The following TNRC18 variants were observed in gnomAD, a reference collection of about 807,000 sequenced individuals.
The protein encoded by TNRC18 is trinucleotide repeat-containing gene 18 protein.
A neutral mutation model predicts 226.7 loss-of-function variants in TNRC18; 69 were observed. That is an observed-to-expected ratio of 0.30 (90% confidence interval 0.25 to 0.37). The LOEUF (loss-of-function observed/expected upper bound fraction) is 0.37. TNRC18 is among the 10% of genes least tolerant of loss of function. TNRC18 has a pLI of 1.00. For missense variants in TNRC18, 4,754 were observed against 4,256.6 expected (o/e 1.12, Z -3.25); for synonymous variants, 2,449 against 1,927.6 (o/e 1.27, Z -7.09).
chr7:5,345,517 G>GCTCCCCCCCCCCCC, intron 18 of TNRC18, 45 bp downstream of exon 18: 4 of 377,744 alleles, frequency 1.1e-5, no homozygotes, highest in South Asian at 8.8e-5. Flanking sequence ...AATGGCGTCC[G>GCTCCCCCCCCCCCC]CCCCTCCCAC....
At chr7:5,347,105 G>A (rs1377787289) in intron 17 of TNRC18, among the ~76,000 whole-genome samples, 2 of 152,160 alleles carry the variant, frequency 1.3e-5, no homozygotes, top group Admixed American at 6.5e-5. Flanking sequence ...CCCTCTGAGA[G>A]GCTGAGGCGG....
chr7:5,358,039 G>A (rs1046188653), intron 15 of TNRC18, among the ~76,000 whole-genome samples: 2 of 152,150 alleles, frequency 1.3e-5, no homozygotes, highest in African/African-American at 4.8e-5. Context: ...ATTAAGGGAG[G>A]AGGAAAGGAA....
At chr7:5,386,856 C>T (rs905707206) in intron 5 of TNRC18, among the ~76,000 whole-genome samples, 19 of 151,982 alleles carry the variant, frequency 1.3e-4, no homozygotes, top group African/African-American at 4.6e-4. Flanking sequence ...GGGCGGATCA[C>T]CTGAGGTCAG....
rs369361559 is a variant in TNRC18, at chr7:5,381,080, C to T, written c.2153-3056G>A. ...GGTCTCAGGGGCTTCCCATCCCAAG[C>T]GCCACCTGCCACAGAAGCCAGTCTG... On this transcript the variant is annotated intron_variant, in intron 5 of 29. Transcript: ENST00000430969. Among the ~76,000 whole-genome samples the T allele has an allele frequency of 2.5e-4, 38 of 152,300 alleles. 1 individual carries two copies. The highest frequency in any genetic ancestry group is 7.5e-4 in the African/African-American group (31 of 41,562).
chr7:5,399,865 C>T (rs376971287), intron 2 of TNRC18, among the ~76,000 whole-genome samples: 86 of 151,466 alleles, frequency 5.7e-4, no homozygotes, highest in African/African-American at 1.8e-3. Flanking sequence ...CCCCCGCCCC[C>T]GCCCCGTCTC....
rs1318560531 is a variant in TNRC18 at position 5,357,002 on chromosome 7, C to T, written c.5108G>A (p.Arg1703Lys). 1.9e-6 allele frequency: 3 copies of T among 1,552,314 alleles called. No homozygotes were observed. In the South Asian group the frequency reaches 3.6e-5, roughly 18 times the overall value. The stretch of plus-strand genomic sequence containing the variant: ...GGCCTTGAACCCCACCTCCATCTTC[C>T]TGGTTTTGGCTGCCCTTTTGTGTTT... ...EGKHKRAAKT[R>K]KMEVGFKARG... The change falls in exon 16 of 30, where the codon AGG becomes AAG. Residue 1703 changes from arginine (R) to lysine (K), a missense_variant. By Grantham distance (26) the Arg-to-Lys change is conservative. Coordinates refer to ENST00000430969, the MANE Select transcript of TNRC18 (RefSeq NM_001080495.3).
chr7:5,364,280 G>T (rs1024066528), intron 11 of TNRC18, among the ~76,000 whole-genome samples: 1 of 152,028 alleles, frequency 6.6e-6, no homozygotes, highest in Non-Finnish European at 1.5e-5. Flanking sequence ...GCAACACAGC[G>T]AGACTCCAGC....
At chr7:5,327,172 G>A (rs1789000291) in intron 19 of TNRC18, among the ~76,000 whole-genome samples, 1 of 152,172 alleles carries the variant, frequency 6.6e-6, no homozygotes. Context: ...CCAAGGCCAG[G>A]AGAGGTAGAA....
In TNRC18 at chr7:5,376,982, G is replaced by C; in HGVS notation, c.2473C>G (p.Pro825Ala). 1.3e-6 allele frequency: 2 copies of C among 1,581,648 alleles called. No individual in the cohort carries two copies. The highest frequency in any genetic ancestry group is 1.7e-4 in the Middle Eastern group (1 of 5,884). Residue 825 changes from proline (P) to alanine (A), a missense_variant, in exon 8 of 30, where the codon CCA becomes GCA. By Grantham distance (27) the Pro-to-Ala change is conservative. Coordinates refer to ENST00000430969, the MANE Select transcript of TNRC18 (RefSeq NM_001080495.3). ...GGGGCCATGCCCTGGTGCAGAGATG[G>C]GGGACCCAAGCCTAGGAGGAGAAGC... is the stretch of plus-strand genomic sequence containing the variant. The part of the protein sequence containing the change: ...LAGHPYGLGP[P>A]SLHQGMAPAF...
chr7:5,386,448 A>G (rs1779795994), intron 5 of TNRC18, among the ~76,000 whole-genome samples: 1 of 151,066 alleles, frequency 6.6e-6, no homozygotes, highest in Non-Finnish European at 1.5e-5. Flanking sequence ...ATGGTGATGC[A>G]TACCTGTAAT....
intron 2 of TNRC18, among the ~76,000 whole-genome samples, chr7:5,419,405 G>A (rs945337563): frequency 6.6e-6 from 1 of 150,604 alleles, no homozygotes; most frequent in African/African-American, 2.4e-5. Context: ...TCCCAGGCTT[G>A]GGGGGGGCCC....
chr7:5,329,714 C>T lies in TNRC18; in HGVS notation c.6147+2908G>A, dbSNP rs1022813691. ...AAAAAAAAAAAAAAAAAAAGGATAG[C>T]TATCTGTCCAAGGTTACAGCAGGGA... On this transcript the variant is annotated intron_variant, in intron 19 of 29. Transcript: ENST00000430969. 2.2e-5 allele frequency among the ~76,000 whole-genome samples: 3 copies of T among 134,358 alleles called. No individual in the cohort carries two copies. The Admixed American group carries it at 2.3e-4, about 10-fold the overall frequency. The allele number at this position is 134,358 out of a possible 152,430, so 88.1% of individuals were successfully genotyped here. A position where few individuals can be genotyped will look rare whatever the true frequency, so the allele number is the denominator to read the frequency against.
intron 2 of TNRC18, among the ~76,000 whole-genome samples, chr7:5,419,003 G>T (rs149739290): frequency 6.6e-6 from 1 of 152,252 alleles, no homozygotes; most frequent in East Asian, 1.9e-4. Context: ...GTTCAAGGGG[G>T]CGGCAGCTGT....
chr7:5,369,671 C>G (rs1793966604), intron 11 of TNRC18, among the ~76,000 whole-genome samples: 1 of 152,152 alleles, frequency 6.6e-6, no homozygotes, highest in Non-Finnish European at 1.5e-5. Flanking sequence ...GGCTTGAACA[C>G]CTAGATCCAG....
At chr7:5,361,748 G>A in intron 13 of TNRC18, 26 bp from the exon 14 acceptor site, 1 of 1,556,912 alleles carries the variant, frequency 6.4e-7, no homozygotes, top group Non-Finnish European at 8.7e-7. Flanking sequence ...ACGCTTGGCT[G>A]TGACGCTGGG....
intron 2 of TNRC18, among the ~76,000 whole-genome samples, chr7:5,415,544 A>G (rs1562642516): frequency 6.7e-6 from 1 of 150,296 alleles, no homozygotes; most frequent in Non-Finnish European, 1.5e-5. Flanking sequence ...CACCCAGCCA[A>G]TTTTTTTTAT....
intron 2 of TNRC18, among the ~76,000 whole-genome samples, chr7:5,417,334 G>T (rs1007871730): frequency 6.6e-6 from 1 of 152,074 alleles, no homozygotes; most frequent in African/African-American, 2.4e-5. Flanking sequence ...GCAGGGCATG[G>T]TGACACATGC....
chr7:5,371,460 C>T (rs1346203694), intron 10 of TNRC18, 96 bp from the exon 11 acceptor site: 32 of 1,387,772 alleles, frequency 2.3e-5, no homozygotes, highest in Middle Eastern at 2.6e-4. Context: ...AGACCCAGGA[C>T]GCAGCCGCCC....
chr7:5,422,009 G>A (rs1245730589), intron 1 of TNRC18, among the ~76,000 whole-genome samples: 2 of 152,078 alleles, frequency 1.3e-5, no homozygotes, highest in Admixed American at 6.5e-5. Context: ...AGCTCGCCTT[G>A]AACCGCCGAC....
Sources: gnomAD v4.1 joint callset for allele counts (sites outside exome capture counted in the v4.1 genomes callset) on GRCh38, gnomAD v4.1.1 for gene constraint, MANE v1.5 for transcripts, NCBI Gene and HGNC (gene_info 2026-07-23, HGNC 2026-07-21) for gene names.